CA10: variants seen among roughly 807,000 people sequenced by gnomAD.
CA10 encodes carbonic anhydrase-related protein 10.
A neutral mutation model predicts 44.2 loss-of-function variants in CA10; 14 were observed. That is an observed-to-expected ratio of 0.32 (90% CI 0.21 to 0.50). The LOEUF (loss-of-function observed/expected upper bound fraction) is 0.50. Among genes scored for constraint, CA10 ranks in the 20% least tolerant of loss-of-function variants. The pLI, the probability that CA10 is intolerant of heterozygous loss-of-function variation, is 0.99. For synonymous variants in CA10, 159 were observed against 141.6 expected (o/e 1.12, Z -0.87); for missense variants, 350 against 409.7 (o/e 0.85, Z 1.26).
At chr17:52,099,008 CAAG>C (rs1482161867) in intron 1 of CA10, among the ~76,000 whole-genome samples, 1 of 151,986 alleles carries the variant, frequency 6.6e-6, no homozygotes, top group Non-Finnish European at 1.5e-5. Context: ...AATAAATAAA[CAAG>C]AAGAATTTCA....
At chr17:52,092,424 C>T (rs2143215067) in intron 1 of CA10, among the ~76,000 whole-genome samples, 1 of 152,288 alleles carries the variant, frequency 6.6e-6, no homozygotes, top group Non-Finnish European at 1.5e-5. Context: ...CAAAGGCCAC[C>T]TATTCACAGA....
At chr17:51,702,466 A>C (rs1454688161) in intron 4 of CA10, among the ~76,000 whole-genome samples, 1 of 152,170 alleles carries the variant, frequency 6.6e-6, no homozygotes. Context: ...TCAGGCTTGT[A>C]GAAAATTTTG....
At chr17:52,024,758 G>A (rs1986247310) in intron 2 of CA10, among the ~76,000 whole-genome samples, 1 of 151,952 alleles carries the variant, frequency 6.6e-6, no homozygotes, top group Admixed American at 6.6e-5. Flanking sequence ...TTACAGGCTG[G>A]TAATGACTGT....
intron 1 of CA10, among the ~76,000 whole-genome samples, chr17:52,092,876 T>C (rs1988304103): frequency 6.6e-6 from 1 of 152,152 alleles, no homozygotes; most frequent in African/African-American, 2.4e-5. Flanking sequence ...TTCTATCTAT[T>C]CTCTGTAAAA....
rs149917585 is a variant in CA10, at chr17:51,893,980, T to C, written c.279+37010A>G. 1.6e-4 allele frequency among the ~76,000 whole-genome samples: 25 copies of C among 152,244 alleles called. No individual in the cohort carries two copies. The East Asian group carries it at 4.4e-3, about 27-fold the overall frequency. On this transcript the variant is annotated intron_variant, in intron 3 of 8. Transcript: ENST00000451037. Reference sequence around the variant, plus strand: ...AATTCAAGATAGTTGACTATGCATGTCTCCAACCTCATATCCCATTAAATG... The same window carrying C: ...AATTCAAGATAGTTGACTATGCATGCCTCCAACCTCATATCCCATTAAATG...
intron 2 of CA10, among the ~76,000 whole-genome samples, chr17:51,987,539 A>C (rs1471707186): frequency 1.3e-5 from 2 of 152,062 alleles, no homozygotes; most frequent in African/African-American, 4.8e-5. Context: ...AAAAAATTTA[A>C]AAAAATGTAG....
intron 4 of CA10, among the ~76,000 whole-genome samples, chr17:51,696,883 C>A (rs75669401): frequency 6.6e-6 from 1 of 152,010 alleles, no homozygotes; most frequent in African/African-American, 2.4e-5. Flanking sequence ...CAAACTAAAA[C>A]GAGTTTGATG....
chr17:51,966,873 TTAAA>T (rs1470933857), intron 2 of CA10, among the ~76,000 whole-genome samples: 4 of 151,742 alleles, frequency 2.6e-5, no homozygotes, highest in African/African-American at 9.7e-5. Context: ...CAGGACCTAA[TTAAA>T]TAAAAGAGCT....
intron 2 of CA10, among the ~76,000 whole-genome samples, chr17:52,011,020 C>T (rs141105826): frequency 1.9e-3 from 290 of 151,574 alleles, no homozygotes; most frequent in African/African-American, 6.6e-3. Context: ...GGCACAGAGA[C>T]GGGATCCTGT....
At chr17:52,104,796 A>T (rs1446225106) in intron 1 of CA10, among the ~76,000 whole-genome samples, 2 of 152,142 alleles carry the variant, frequency 1.3e-5, no homozygotes, top group Non-Finnish European at 1.5e-5. Context: ...GCCTCTCGCT[A>T]GTCTTGGCCC....
chr17:51,887,463 A>G (rs1446709707), intron 3 of CA10, among the ~76,000 whole-genome samples: 3 of 152,182 alleles, frequency 2.0e-5, no homozygotes, highest in Admixed American at 2.0e-4. Context: ...ACCCAGAACT[A>G]AATGTAGGCT....
At chr17:51,993,950 T>C (rs1009384107) in intron 2 of CA10, among the ~76,000 whole-genome samples, 4 of 152,100 alleles carry the variant, frequency 2.6e-5, no homozygotes, top group African/African-American at 9.6e-5. Context: ...GTAGTTACTC[T>C]TTTAGAGTAG....
At chr17:52,097,938 G>T (rs1401432717) in intron 1 of CA10, among the ~76,000 whole-genome samples, 2 of 152,114 alleles carry the variant, frequency 1.3e-5, no homozygotes, top group East Asian at 3.9e-4. Flanking sequence ...CACTGTCATA[G>T]TCCTCTTGTG....
chr17:51,960,798 AC>A (rs1332127683), intron 2 of CA10, among the ~76,000 whole-genome samples: 1 of 152,200 alleles, frequency 6.6e-6, no homozygotes, highest in Non-Finnish European at 1.5e-5. Context: ...GTCAAAAGAA[AC>A]ATTAGAACAT....
chr17:52,054,914 G>T (rs1373956674), intron 2 of CA10, among the ~76,000 whole-genome samples: 1 of 152,098 alleles, frequency 6.6e-6, no homozygotes. Context: ...TCTAGGAAGT[G>T]ACTTGAATAT....
At chr17:52,113,890 G>A (rs1041410427) in intron 1 of CA10, among the ~76,000 whole-genome samples, 1 of 152,152 alleles carries the variant, frequency 6.6e-6, no homozygotes, top group African/African-American at 2.4e-5. Context: ...TAATGTGTAG[G>A]TTAGACCAAA....
chr17:51,950,471 C>G (rs146844354), intron 2 of CA10, among the ~76,000 whole-genome samples: 1 of 152,106 alleles, frequency 6.6e-6, no homozygotes, highest in Non-Finnish European at 1.5e-5. Flanking sequence ...GATGCCTGGA[C>G]GTTTATTCCA....
chr17:51,694,220 AG>A (rs1915324762), intron 4 of CA10, among the ~76,000 whole-genome samples: 1 of 151,986 alleles, frequency 6.6e-6, no homozygotes, highest in Admixed American at 6.6e-5. Flanking sequence ...AAAAAAAAAA[AG>A]AAATCTCCAA....
At chr17:52,126,072 T>TA (rs1210879816) in intron 1 of CA10, among the ~76,000 whole-genome samples, 1 of 152,074 alleles carries the variant, frequency 6.6e-6, no homozygotes, top group Non-Finnish European at 1.5e-5. Context: ...TAGACCAGAT[T>TA]AAAAAAAGAT....
Sources: gnomAD v4.1 joint callset for allele counts (sites outside exome capture counted in the v4.1 genomes callset) on GRCh38, gnomAD v4.1.1 for gene constraint, MANE v1.5 for transcripts, NCBI Gene and HGNC (gene_info 2026-07-23, HGNC 2026-07-21) for gene names.